The following ATG4C variants were observed in gnomAD, a reference collection of about 807,000 sequenced individuals.
ATG4C encodes the protein cysteine protease ATG4C.
A neutral mutation model predicts 57.6 loss-of-function variants in ATG4C; 56 were observed. The observed-to-expected ratio is 0.97, with a 90% CI of 0.78 to 1.21. The LOEUF is 1.21. ATG4C is among the 50% of genes most tolerant of loss of function. The pLI, the probability that ATG4C is intolerant of heterozygous loss-of-function variation, is 0.00. For synonymous variants in ATG4C, 157 were observed against 174.1 expected (o/e 0.90, Z 0.78); for missense variants, 595 against 529.8 (o/e 1.12, Z -1.21).
At chr1:62,799,428 A>T (rs576137131) in intron 1 of ATG4C, among the ~76,000 whole-genome samples, 1 of 152,188 alleles carries the variant, frequency 6.6e-6, no homozygotes, top group South Asian at 2.1e-4. Flanking sequence ...ATAGTTAAGG[A>T]TGTGTCCCAG....
intron 1 of ATG4C, among the ~76,000 whole-genome samples, chr1:62,796,815 C>A (rs950060727): frequency 6.6e-6 from 1 of 151,906 alleles, no homozygotes; most frequent in Non-Finnish European, 1.5e-5. Context: ...TTCTTAGATG[C>A]CAACATTATG....
intron 10 of ATG4C, among the ~76,000 whole-genome samples, chr1:62,859,328 C>G (rs1666777079): frequency 6.6e-6 from 1 of 152,142 alleles, no homozygotes; most frequent in Non-Finnish European, 1.5e-5. Context: ...AAGGAATATT[C>G]AAACTGTATA....
chr1:62,823,056 T>C (rs537682865), intron 6 of ATG4C, among the ~76,000 whole-genome samples: 1 of 152,126 alleles, frequency 6.6e-6, no homozygotes, highest in South Asian at 2.1e-4. Flanking sequence ...CTCGGGAGGC[T>C]GGGGTGGGAG....
At chr1:62,853,688 C>T (rs537630983) in intron 10 of ATG4C, among the ~76,000 whole-genome samples, 2 of 152,254 alleles carry the variant, frequency 1.3e-5, no homozygotes, top group South Asian at 4.1e-4. Context: ...TCATGCAATC[C>T]TCCTGCCTCA....
chr1:62,822,449 C>A (rs1046767368), intron 6 of ATG4C, among the ~76,000 whole-genome samples: 1 of 152,054 alleles, frequency 6.6e-6, no homozygotes, highest in Non-Finnish European at 1.5e-5. Context: ...TAAGGATGTA[C>A]CTAAACAAGT....
chr1:62,821,834 A>G (rs1168947248), intron 6 of ATG4C, among the ~76,000 whole-genome samples: 1 of 152,074 alleles, frequency 6.6e-6, no homozygotes, highest in Non-Finnish European at 1.5e-5. Context: ...TGTTTTGTAT[A>G]CTCCTTATAC....
chr1:62,820,079 C>T (rs1416809398), intron 5 of ATG4C, among the ~76,000 whole-genome samples: 1 of 151,988 alleles, frequency 6.6e-6, no homozygotes, highest in Non-Finnish European at 1.5e-5. Context: ...TGCATATTAA[C>T]ATGCTTCTAT....
rs140402855 is a variant in ATG4C, at chr1:62,844,370, A to G, written c.1209+2823A>G. ...TTAAATGTGTGACTTATTGATTTGT[A>G]CAAGGCTATTTAGGTTAAAAATGAT... On this transcript the variant is annotated intron_variant, in intron 10 of 10. Transcript: ENST00000317868. Among the ~76,000 whole-genome samples the G allele has an allele frequency of 2.3e-3, 347 of 152,340 alleles. 2 individuals carry two copies. The highest frequency in any genetic ancestry group is 8.1e-3 in the African/African-American group (338 of 41,582).
intron 10 of ATG4C, among the ~76,000 whole-genome samples, chr1:62,843,591 C>T (rs547398322): frequency 6.6e-6 from 1 of 152,188 alleles, no homozygotes; most frequent in South Asian, 2.1e-4. Flanking sequence ...GAAAATGAAG[C>T]TGGTAGTCTA....
chr1:62,835,184 TAAA>T (rs59745958), intron 9 of ATG4C, among the ~76,000 whole-genome samples: 3 of 135,546 alleles, frequency 2.2e-5, no homozygotes. Context: ...AAGGCCTGTT[TAAA>T]AAAAAAAAAA....
At chr1:62,795,752 G>T (rs1664440417) in intron 1 of ATG4C, among the ~76,000 whole-genome samples, 1 of 151,802 alleles carries the variant, frequency 6.6e-6, no homozygotes, top group African/African-American at 2.4e-5. Context: ...TTGCTTGAAT[G>T]CAGGAGTTTA....
chr1:62,850,301 C>T (rs1488635204), intron 10 of ATG4C, among the ~76,000 whole-genome samples: 1 of 152,056 alleles, frequency 6.6e-6, no homozygotes, highest in Non-Finnish European at 1.5e-5. Context: ...CCTGGCCCAT[C>T]CTCACATCTT....
chr1:62,858,270 AT>A (rs1329134272), intron 10 of ATG4C, among the ~76,000 whole-genome samples: 3 of 152,192 alleles, frequency 2.0e-5, no homozygotes, highest in Non-Finnish European at 4.4e-5. Flanking sequence ...AAATTTTATG[AT>A]CAATTTAAGT....
chr1:62,819,325 C>A lies in ATG4C; in HGVS notation c.715C>A (p.His239Asn), dbSNP rs1294610750. 2.5e-6 allele frequency: 4 copies of A among 1,582,772 alleles called. No homozygotes were observed. Among genetic ancestry groups the A allele is most frequent in the Non-Finnish European group, 3.4e-6 (4 of 1,169,256 alleles). ...TTGGTATGGACCAGCTGTGGTTGCT[C>A]ACATTTTAAGGTAAAATTGTTTTAA... ...GDWYGPAVVA[H>N]ILRKAVEEAR... Residue 239 changes from histidine to asparagine, a missense_variant, in exon 5 of 11, where the codon CAC becomes AAC. Coordinates refer to ENST00000317868, the MANE Select transcript of ATG4C (RefSeq NM_032852.4).
At chr1:62,800,447 G>A (rs183627224) in intron 1 of ATG4C, among the ~76,000 whole-genome samples, 139 of 151,978 alleles carry the variant, frequency 9.1e-4, no homozygotes, top group Admixed American at 2.7e-3. Flanking sequence ...CGCTGTCCCT[G>A]CGCTTGCCTG....
At chr1:62,858,623 A>C (rs775270042) in intron 10 of ATG4C, among the ~76,000 whole-genome samples, 1 of 152,126 alleles carries the variant, frequency 6.6e-6, no homozygotes. Context: ...AATCGTTCAG[A>C]AAATAGAAGG....
At chr1:62,824,895 C>T (rs1665598324) in intron 6 of ATG4C, among the ~76,000 whole-genome samples, 1 of 152,074 alleles carries the variant, frequency 6.6e-6, no homozygotes, top group African/African-American at 2.4e-5. Flanking sequence ...TCTTGAAGTC[C>T]TGGCTTCAAG....
At chr1:62,788,430 TACACACAC>T (rs10671530) in intron 1 of ATG4C, among the ~76,000 whole-genome samples, 30 of 146,528 alleles carry the variant, frequency 2.0e-4, no homozygotes, top group African/African-American at 6.0e-4. Context: ...TCTCTATAAA[TACACACAC>T]ACACACACAC....
Position 62,829,098 on chromosome 1 carries a change from T to C in ATG4C, c.855T>C (p.Asp285=), listed in dbSNP as rs565178444. The change falls in exon 7 of 11, where the codon GAT becomes GAC. Residue 285 remains aspartate, a synonymous_variant. Transcript: ENST00000317868. ...CTTCCATGACTTCTGATAATGCAGATGACAAAGCTGTTATTATTCTAGTTC... is the reference window on the plus strand; with the variant it reads ...CTTCCATGACTTCTGATAATGCAGACGACAAAGCTGTTATTATTCTAGTTC... ...QSASMTSDNA[D]DKAVIILVPV... The C allele has an allele frequency of 6.2e-7, 1 of 1,613,158 alleles. No homozygotes were observed. Among genetic ancestry groups the C allele is most frequent in the African/African-American group, 1.3e-5 (1 of 75,022 alleles).
Sources: allele counts gnomAD v4.1 joint callset (sites outside exome capture counted in the v4.1 genomes callset), GRCh38; gene constraint gnomAD v4.1.1; transcripts MANE v1.5; gene names NCBI Gene and HGNC (gene_info 2026-07-23, HGNC 2026-07-21).